Variants in YLPM1 observed in about 807,000 individuals in gnomAD.
YLPM1 encodes YLP motif-containing protein 1.
In YLPM1, 99 loss-of-function variants were observed where a neutral mutation model predicts 230.0. The observed-to-expected ratio is 0.43, with a 90% confidence interval of 0.37 to 0.51. The LOEUF (loss-of-function observed/expected upper bound fraction) is 0.51, where lower values mean the gene tolerates loss of function less well. Ranked by LOEUF, YLPM1 falls within the 20% of genes least tolerant of loss-of-function variation. YLPM1 has a pLI of 0.00. For synonymous variants in YLPM1, 984 were observed against 942.5 expected (o/e 1.04, Z -0.81); for missense variants, 2,592 against 2,707.7 (o/e 0.96, Z 0.95).
At chr14:74,782,765 G>A (rs2091108733) in intron 4 of YLPM1, among the ~76,000 whole-genome samples, 1 of 152,100 alleles carries the variant, frequency 6.6e-6, no homozygotes, top group Non-Finnish European at 1.5e-5. Context: ...TTAGCATAAG[G>A]TAAGTAGGAC....
intron 19 of YLPM1, among the ~76,000 whole-genome samples, chr14:74,833,465 C>G (rs549238261): frequency 6.6e-6 from 1 of 152,248 alleles, no homozygotes; most frequent in Middle Eastern, 3.4e-3. Context: ...GTTGCCCAGG[C>G]TGGTCTTGAA....
Position 74,787,095 on chromosome 14 carries a change from T to G in YLPM1, c.2282+4770T>G, listed in dbSNP as rs531332958. 9.8e-5 allele frequency among the ~76,000 whole-genome samples: 15 copies of G among 152,358 alleles called. No individual in the cohort carries two copies. In the South Asian group the frequency reaches 3.1e-3, roughly 32 times the overall value. ...TTATTTGATTATTGTTAATTTGTAT[T>G]TCCTCTTTTATGAAATGCTGATTCA... On this transcript the variant is annotated intron_variant, in intron 4 of 20. Transcript: ENST00000325680.
rs1481748487 is a variant in YLPM1 at position 74,799,121 on chromosome 14, A to T, written c.3824A>T (p.Asp1275Val). ...GATTGGGAGAGAGACCAGGATATGG[A>T]TGAGGACTACAATAGGGAAATGGAA... ...WDDWERDQDM[D>V]EDYNREMERD... The change falls in exon 5 of 21, where the codon GAT becomes GTT. Residue 1275 changes from aspartate (D) to valine (V), a missense_variant. Coordinates refer to ENST00000325680, the MANE Select transcript of YLPM1 (RefSeq NM_019589.3). 4 of 1,613,788 alleles carry T rather than the reference A, an allele frequency of 2.5e-6. No homozygotes were observed. The highest frequency in any genetic ancestry group is 3.4e-6 in the Non-Finnish European group (4 of 1,179,868).
intron 1 of YLPM1, among the ~76,000 whole-genome samples, chr14:74,765,774 A>G (rs539418742): frequency 2.0e-5 from 3 of 152,282 alleles, no homozygotes; most frequent in East Asian, 1.9e-4. Flanking sequence ...CTTAATATGT[A>G]TAGTTACCAT....
intron 5 of YLPM1, among the ~76,000 whole-genome samples, chr14:74,799,905 G>A (rs2091308984): frequency 1.3e-5 from 2 of 152,212 alleles, no homozygotes; most frequent in African/African-American, 2.4e-5. Flanking sequence ...GCCCTAAGAT[G>A]TGAAAATTGA....
In YLPM1 at chr14:74,799,017, G is replaced by T; in HGVS notation, c.3720G>T (p.Glu1240Asp). 1.9e-6 allele frequency: 3 copies of T among 1,613,972 alleles called. No individual in the cohort carries two copies. The highest frequency in any genetic ancestry group is 2.5e-6 in the Non-Finnish European group (3 of 1,179,886). ...GTGACTATCAAGATGATACACTAGA[G>T]CTCTATAACAGAGAGGACAGGTTCT... is the stretch of plus-strand genomic sequence containing the variant. ...CERDYQDDTL[E>D]LYNREDRFSA... is the part of the protein sequence containing the mutation. The change falls in exon 5 of 21, where the codon GAG (glutamate) becomes GAT (aspartate). Residue 1240 changes from glutamate to aspartate, a missense_variant. Transcript: ENST00000325680.
chr14:74,780,598 T>G lies in YLPM1; in HGVS notation c.1290+14T>G, dbSNP rs1399104854. 6.3e-7 allele frequency: 1 copy of G among 1,580,180 alleles called. No individual in the cohort carries two copies. Among genetic ancestry groups the G allele is most frequent in the Admixed American group, 1.8e-5 (1 of 57,124 alleles). On this transcript the variant is annotated intron_variant, in intron 3 of 20. Coordinates refer to ENST00000325680, the MANE Select transcript of YLPM1 (RefSeq NM_019589.3). ...CCACATATACAGGCAAGTGCTTCCA[T>G]AGTCCACAATAGGAAGTTGCCCCAA...
At position 74,799,426 on chromosome 14, in the gene YLPM1, C is replaced by T. The variant is rs759344428; in HGVS notation, c.4129C>T (p.Pro1377Ser). Reference sequence around the variant, plus strand: ...GGGTGAGTTGAGGATTCGAGAGTATCCAGAAAGAGGAGATACATGGCGGGA... The same window carrying T: ...GGGTGAGTTGAGGATTCGAGAGTATTCAGAAAGAGGAGATACATGGCGGGA... ...DRGELRIREY[P>S]ERGDTWREKR... The change falls in exon 5 of 21, where the codon CCA (proline) becomes TCA (serine). Residue 1377 changes from proline to serine, a missense_variant. Pro to Ser is a moderately conservative substitution (Grantham distance 74). Transcript: ENST00000325680. The T allele has an allele frequency of 3.7e-6, 6 of 1,613,872 alleles. 1 individual carries two copies. The South Asian group carries it at 5.5e-5, about 15-fold the overall frequency.
rs1328580894 is a variant in YLPM1, at chr14:74,763,612, T to C, written c.123T>C (p.Thr41=). Residue 41 remains threonine (T), a synonymous_variant, in exon 1 of 21, where the codon ACT becomes ACC. Transcript: ENST00000325680. ...SPGPGYSSST[T]PAAPSSSGFM... ...GGCCCGGGTACTCGAGCTCGACGAC[T>C]CCCGCGGCCCCCTCCTCCTCGGGCT... 1 of 1,590,602 alleles carries C rather than the reference T, an allele frequency of 6.3e-7. No individual in the cohort carries two copies. The highest frequency in any genetic ancestry group is 2.4e-5 in the East Asian group (1 of 42,406).
chr14:74,804,522 C>T (rs1365548440), intron 6 of YLPM1, among the ~76,000 whole-genome samples: 2 of 152,192 alleles, frequency 1.3e-5, no homozygotes, highest in Non-Finnish European at 2.9e-5. Flanking sequence ...TTTGCGTATG[C>T]ATGTTGTTCT....
intron 1 of YLPM1, among the ~76,000 whole-genome samples, chr14:74,767,291 A>G (rs765603118): frequency 1.6e-4 from 25 of 152,216 alleles, no homozygotes; most frequent in Non-Finnish European, 2.4e-4. Flanking sequence ...TCATCATACT[A>G]ATGAACTAAA....
chr14:74,805,505 G>A (rs1052017480), intron 6 of YLPM1, among the ~76,000 whole-genome samples: 1 of 150,460 alleles, frequency 6.6e-6, no homozygotes, highest in African/African-American at 2.5e-5. Context: ...CCTACGCCTG[G>A]CTAATAATAA....
intron 1 of YLPM1, among the ~76,000 whole-genome samples, chr14:74,777,075 A>G (rs184695961): frequency 7.2e-4 from 109 of 151,906 alleles, no homozygotes; most frequent in African/African-American, 2.5e-3. Flanking sequence ...AGAAAAAAAA[A>G]TTTTAGCAAG....
intron 4 of YLPM1, among the ~76,000 whole-genome samples, chr14:74,796,467 C>T (rs982630001): frequency 2.0e-5 from 3 of 152,236 alleles, no homozygotes; most frequent in Admixed American, 1.3e-4. Flanking sequence ...TAAAACTCAA[C>T]ATAAGCCTCT....
At chr14:74,773,719 T>TTG (rs2091002739) in intron 1 of YLPM1, among the ~76,000 whole-genome samples, 5 of 134,604 alleles carry the variant, frequency 3.7e-5, no homozygotes, top group African/African-American at 1.4e-4. Context: ...TTCTTTTTTT[T>TTG]TTTTTTTTTT....
intron 8 of YLPM1, 93 bp downstream of exon 8, chr14:74,810,095 T>A: frequency 1.4e-6 from 2 of 1,456,518 alleles, no homozygotes; most frequent in Non-Finnish European, 1.8e-6. Context: ...AGCCTCCATT[T>A]AATACAGCTA....
chr14:74,783,621 A>G (rs552618799), intron 4 of YLPM1, among the ~76,000 whole-genome samples: 2 of 152,334 alleles, frequency 1.3e-5, no homozygotes, highest in East Asian at 1.9e-4. Flanking sequence ...TTTTCATCTC[A>G]GTATCAGTGG....
At chr14:74,827,802 C>A (rs1276293996) in intron 18 of YLPM1, 3 of 985,198 alleles carry the variant, frequency 3.0e-6, no homozygotes, top group African/African-American at 1.7e-5. Flanking sequence ...AATACCATAA[C>A]CTGTGTCCCT....
chr14:74,811,637 A>T lies in YLPM1; in HGVS notation c.5246A>T (p.Asp1749Val). The T allele has an allele frequency of 6.2e-7, 1 of 1,609,842 alleles. No individual in the cohort carries two copies. The highest frequency in any genetic ancestry group is 1.7e-5 in the Admixed American group (1 of 58,496). ...CCTTCTAGAGCTCAGTCATATCGAG[A>T]CAAAAAAGACCATTCCTCATCCAGA... ...PRDDRAQSYR[D>V]KKDHSSSRRG... Residue 1749 changes from aspartate (D) to valine (V), a missense_variant, in exon 10 of 21, where the codon GAC becomes GTC. Around this residue, in one of 4 missense-constraint regions of YLPM1, gnomAD observed 403 missense variants for 426.7 expected, o/e 0.94. Coordinates refer to ENST00000325680, the MANE Select transcript of YLPM1 (RefSeq NM_019589.3).
Sources: allele counts gnomAD v4.1 joint callset (sites outside exome capture counted in the v4.1 genomes callset), GRCh38; gene constraint gnomAD v4.1.1; regional missense constraint gnomAD v4.1.1; transcripts MANE v1.5; gene names NCBI Gene and HGNC (gene_info 2026-07-23, HGNC 2026-07-21).